Variants in CAPRIN1 observed in about 807,000 individuals in gnomAD.
CAPRIN1 encodes the protein cell cycle associated protein 1, also known as caprin-1.
CAPRIN1 carries 29 observed loss-of-function variants against 100.9 expected under a neutral mutation model. The ratio of observed to expected loss-of-function variants is 0.29; its 90% CI spans 0.21 to 0.39. The LOEUF (loss-of-function observed/expected upper bound fraction) is 0.39. Ranked by LOEUF, CAPRIN1 falls within the 10% of genes least tolerant of loss-of-function variation. The pLI, the probability that CAPRIN1 is intolerant of heterozygous loss-of-function variation, is 1.00. For synonymous variants in CAPRIN1, 338 were observed against 307.5 expected, an observed-to-expected ratio of 1.10 and a Z score of -1.04; for missense variants, 795 against 876.7, an observed-to-expected ratio of 0.91 and a Z score of 1.18.
At chr11:34,088,631 C>A (rs888516970) in intron 11 of CAPRIN1, among the ~76,000 whole-genome samples, 1 of 152,130 alleles carries the variant, frequency 6.6e-6, no homozygotes, top group Non-Finnish European at 1.5e-5. Flanking sequence ...TATGATGGCG[C>A]CACTGCACTC....
At chr11:34,064,527 A>C (rs1387660929) in intron 2 of CAPRIN1, among the ~76,000 whole-genome samples, 1 of 152,238 alleles carries the variant, frequency 6.6e-6, no homozygotes, top group Non-Finnish European at 1.5e-5. Flanking sequence ...AAGGCCACTT[A>C]AGGAGTAAGC....
rs565089997 is a variant in CAPRIN1, at chr11:34,072,208, T to C, written c.366+221T>C. Among the ~76,000 whole-genome samples, 37 of 152,112 alleles carry C rather than the reference T, an allele frequency of 2.4e-4. No individual in the cohort carries two copies. The South Asian group carries it at 6.9e-3, about 28-fold the overall frequency. On this transcript the variant is annotated intron_variant, in intron 4 of 18. Coordinates refer to ENST00000341394, the MANE Select transcript of CAPRIN1 (RefSeq NM_005898.5). Reference sequence around the variant, plus strand: ...GGGCGGTGGCATGTGCTTGTAGCCCTGGCTCCTCAATAGGTTGAGGCCAAG... The same window carrying C: ...GGGCGGTGGCATGTGCTTGTAGCCCCGGCTCCTCAATAGGTTGAGGCCAAG...
chr11:34,082,969 G>A lies in CAPRIN1; in HGVS notation c.894G>A (p.Gln298=), dbSNP rs138650524. The A allele has an allele frequency of 1.5e-4, 238 of 1,613,900 alleles. 1 individual carries two copies. The highest frequency in any genetic ancestry group is 2.0e-4 in the Non-Finnish European group (231 of 1,179,886). ...TTGCTTTGCAGTATGTAAATAGACAGTTCATGGCAGAAACACAGTTCACCA... is the reference window on the plus strand; with the variant it reads ...TTGCTTTGCAGTATGTAAATAGACAATTCATGGCAGAAACACAGTTCACCA... ...EVESTEYVNR[Q]FMAETQFTSG... The change falls in exon 9 of 19, where the codon CAG becomes CAA. Residue 298 remains glutamine, a synonymous_variant. Transcript: ENST00000341394.
intron 9 of CAPRIN1, among the ~76,000 whole-genome samples, chr11:34,084,238 G>A (rs1173557262): frequency 6.6e-6 from 1 of 151,978 alleles, no homozygotes; most frequent in East Asian, 1.9e-4. Flanking sequence ...ACAGTCATGA[G>A]CCACTGCGCC....
At chr11:34,076,075 T>C (rs1045668040) in intron 4 of CAPRIN1, among the ~76,000 whole-genome samples, 161 bp from the exon 5 acceptor site, 2 of 152,216 alleles carry the variant, frequency 1.3e-5, no homozygotes, top group Admixed American at 6.5e-5. Flanking sequence ...TAAAATAGAT[T>C]ATGTTTAAAA....
chr11:34,059,522 C>T (rs774421406), intron 2 of CAPRIN1, among the ~76,000 whole-genome samples: 2 of 152,156 alleles, frequency 1.3e-5, no homozygotes, highest in African/African-American at 4.8e-5. Flanking sequence ...CCTGCCTCGG[C>T]GTCCAAAACT....
chr11:34,099,067 A>G lies in CAPRIN1; in HGVS notation c.2066-236A>G, dbSNP rs1243604263. ...TATTTGTTGAATGAATGAATGAATG[A>G]GTACTGGTGGAATACTCCATTAGCT... On this transcript the variant is annotated intron_variant, in intron 18 of 18. Coordinates refer to ENST00000341394, the MANE Select transcript of CAPRIN1 (RefSeq NM_005898.5). The G allele has an allele frequency of 1.4e-5, 19 of 1,390,850 alleles. No individual in the cohort carries two copies. The East Asian group carries it at 4.8e-4, about 35-fold the overall frequency. The allele number at this position is 1,390,850 out of a possible 1,614,324, so 86.2% of individuals were successfully genotyped here. A position where few individuals can be genotyped will look rare whatever the true frequency, so the allele number is the denominator to read the frequency against.
At chr11:34,098,777 T>G in intron 18 of CAPRIN1, 1 of 985,050 alleles carries the variant, frequency 1.0e-6, no homozygotes, top group Non-Finnish European at 1.2e-6. Flanking sequence ...TAACAGCATG[T>G]AAAAAGTTAT....
chr11:34,083,251 A>G (rs1851068052), intron 9 of CAPRIN1, among the ~76,000 whole-genome samples: 1 of 152,240 alleles, frequency 6.6e-6, no homozygotes, highest in Admixed American at 6.5e-5. Flanking sequence ...CAATCTAAAA[A>G]AATTATTTTA....
chr11:34,085,922 G>T (rs1321211780), intron 9 of CAPRIN1, 142 bp from the exon 10 acceptor site: 9 of 624,632 alleles, frequency 1.4e-5, no homozygotes, highest in Non-Finnish European at 2.5e-5. Context: ...TGGCATAAAT[G>T]TAATTCATTT....
chr11:34,065,354 A>G (rs573714886), intron 2 of CAPRIN1, among the ~76,000 whole-genome samples: 1 of 152,238 alleles, frequency 6.6e-6, no homozygotes, highest in Non-Finnish European at 1.5e-5. Context: ...CAAGTTAATT[A>G]CAATGTATTT....
At chr11:34,081,769 A>G (rs1288119143) in intron 7 of CAPRIN1, among the ~76,000 whole-genome samples, 3 of 152,174 alleles carry the variant, frequency 2.0e-5, no homozygotes, top group African/African-American at 7.2e-5. Context: ...AAGTCCTGAG[A>G]TTATAGGCGT....
chr11:34,096,742 A>G (rs1590749303), intron 16 of CAPRIN1, 69 bp downstream of exon 16: 2 of 1,226,642 alleles, frequency 1.6e-6, no homozygotes, highest in African/African-American at 3.0e-5. Flanking sequence ...TTTGTAAAAT[A>G]TATCACACAG....
intron 2 of CAPRIN1, among the ~76,000 whole-genome samples, chr11:34,056,977 A>G (rs1850464123): frequency 1.3e-5 from 2 of 152,210 alleles, no homozygotes; most frequent in African/African-American, 4.8e-5. Flanking sequence ...TATTCTTTAA[A>G]AAGAATGCTG....
chr11:34,090,688 TTAAC>T lies in CAPRIN1; in HGVS notation c.1554+15_1554+18del. The T allele has an allele frequency of 1.2e-6, 2 of 1,609,426 alleles. No homozygotes were observed. The highest frequency in any genetic ancestry group is 1.7e-6 in the Non-Finnish European group (2 of 1,176,198). On this transcript the variant is annotated intron_variant, in intron 14 of 18. Coordinates refer to ENST00000341394, the MANE Select transcript of CAPRIN1 (RefSeq NM_005898.5). ...CCAATCCATGCAAACGGTAAGCAAATTAACTAACATTAATTGCCTAGTATGTAAT... is the reference window on the plus strand; with the variant it reads ...CCAATCCATGCAAACGGTAAGCAAATTAACATTAATTGCCTAGTATGTAAT...
At chr11:34,078,742 T>C (rs541134744) in intron 6 of CAPRIN1, among the ~76,000 whole-genome samples, 133 of 152,322 alleles carry the variant, frequency 8.7e-4, no homozygotes, top group African/African-American at 3.1e-3. Context: ...TTTCTTGTAT[T>C]TGACATCTTT....
chr11:34,096,817 C>A, intron 16 of CAPRIN1, 144 bp downstream of exon 16: 1 of 614,816 alleles, frequency 1.6e-6, no homozygotes, highest in Non-Finnish European at 2.8e-6. Context: ...TATTTTGGTA[C>A]AATTTGTGTA....
At chr11:34,072,939 A>G (rs1232439944) in intron 4 of CAPRIN1, among the ~76,000 whole-genome samples, 1 of 152,240 alleles carries the variant, frequency 6.6e-6, no homozygotes, top group Non-Finnish European at 1.5e-5. Context: ...GTACAGTAAC[A>G]TGCTGTACAC....
At chr11:34,053,880 C>T (rs1359704883) in intron 2 of CAPRIN1, among the ~76,000 whole-genome samples, 4 of 152,164 alleles carry the variant, frequency 2.6e-5, no homozygotes, top group Non-Finnish European at 2.9e-5. Context: ...ATCATGTTAA[C>T]TTGAATTTTA....
Sources: gnomAD v4.1 joint callset for allele counts (sites outside exome capture counted in the v4.1 genomes callset) on GRCh38, gnomAD v4.1.1 for gene constraint, MANE v1.5 for transcripts, NCBI Gene and HGNC (gene_info 2026-07-23, HGNC 2026-07-21) for gene names.